The following KAZN variants were observed in gnomAD, a reference collection of about 807,000 sequenced individuals.
KAZN encodes the protein kazrin.
In KAZN, 40 loss-of-function variants were observed where a neutral mutation model predicts 87.4. The observed-to-expected ratio is 0.46, with a 90% confidence interval of 0.36 to 0.60. The LOEUF is 0.60. Among genes scored for constraint, KAZN ranks in the 20% least tolerant of loss-of-function variants. The probability of loss-of-function intolerance (pLI) is 0.00; values close to 1 mark genes in which losing one functional copy is unlikely to be tolerated. For synonymous variants in KAZN, 466 were observed against 458.3 expected, an observed-to-expected ratio of 1.02 and a Z score of -0.22; for missense variants, 898 against 1,073.9, an observed-to-expected ratio of 0.84 and a Z score of 2.29.
At chr1:13,902,560 G>A (rs930161492) in intron 1 of KAZN, among the ~76,000 whole-genome samples, 1 of 152,156 alleles carries the variant, frequency 6.6e-6, no homozygotes, top group Non-Finnish European at 1.5e-5. Flanking sequence ...CAGGGAAGAG[G>A]GGGAATAAAA....
intron 2 of KAZN, among the ~76,000 whole-genome samples, chr1:14,508,535 C>T (rs939486646): frequency 1.3e-5 from 2 of 152,074 alleles, no homozygotes; most frequent in East Asian, 1.9e-4. Flanking sequence ...CCCTACTAGA[C>T]GGATAATAGT....
Position 14,765,298 on chromosome 1 carries a change from A to G in KAZN, c.226+166075A>G, listed in dbSNP as rs374665782. Among the ~76,000 whole-genome samples the G allele has an allele frequency of 8.5e-5, 13 of 152,336 alleles. No individual in the cohort carries two copies. The East Asian group carries it at 2.3e-3, about 27-fold the overall frequency. On this transcript the variant is annotated intron_variant, in intron 1 of 14. Coordinates refer to ENST00000376030, the MANE Select transcript of KAZN (RefSeq NM_201628.3). ...ACCCTCAGTTGCAAACCACTGCTGT[A>G]GATGAAATAGAAGCAGTTCTCATTG...
At chr1:14,967,133 GA>G (rs1257946446) in intron 2 of KAZN, among the ~76,000 whole-genome samples, 1 of 152,174 alleles carries the variant, frequency 6.6e-6, no homozygotes, top group Non-Finnish European at 1.5e-5. Context: ...AGGGACCTTG[GA>G]GCTTTTCAGC....
In KAZN at chr1:14,883,341, A is replaced by AGAGAGAAAGAAAGAAAG. The variant is rs1553150560; in HGVS notation, c.227-77341_227-77340insGAGAAAGAAAGAAAGGA. On this transcript the variant is annotated intron_variant, in intron 1 of 14. Coordinates refer to ENST00000376030, the MANE Select transcript of KAZN (RefSeq NM_201628.3). ...GAAAGAGAGAGAGAGAGAGAGAGAG[A>AGAGAGAAAGAAAGAAAG]GAAAGAAAGAAAGAAAAGAAAGAAA... is the stretch of plus-strand genomic sequence containing the variant. Among the ~76,000 whole-genome samples, 4 of 29,510 alleles carry AGAGAGAAAGAAAGAAAG rather than the reference A, an allele frequency of 1.4e-4. 1 individual carries two copies. The South Asian group carries it at 8.4e-3, about 62-fold the overall frequency. The allele number at this position is 29,510 out of a possible 152,430, so 19.4% of individuals were successfully genotyped here.
At chr1:14,857,096 G>A (rs536479626) in intron 1 of KAZN, among the ~76,000 whole-genome samples, 66 of 152,316 alleles carry the variant, frequency 4.3e-4, no homozygotes, top group African/African-American at 1.2e-3. Context: ...TGGACTCGGC[G>A]TCAGGTTACT....
intron 1 of KAZN, among the ~76,000 whole-genome samples, chr1:14,625,071 G>A (rs1294783859): frequency 6.6e-6 from 1 of 152,144 alleles, no homozygotes; most frequent in Non-Finnish European, 1.5e-5. Context: ...AGAGAACTAT[G>A]TGAGCTCATC....
At chr1:14,024,077 C>G (rs1028610484) in intron 1 of KAZN, among the ~76,000 whole-genome samples, 2 of 152,144 alleles carry the variant, frequency 1.3e-5, no homozygotes, top group Non-Finnish European at 1.5e-5. Context: ...TGTTAGGGAT[C>G]GTGTGACAAG....
chr1:14,103,889 C>A (rs1644312641), intron 1 of KAZN, among the ~76,000 whole-genome samples: 1 of 152,040 alleles, frequency 6.6e-6, no homozygotes, highest in South Asian at 2.1e-4. Flanking sequence ...CTACAACACT[C>A]CCCAAACCTA....
At chr1:14,250,753 T>A (rs1261553175) in intron 2 of KAZN, among the ~76,000 whole-genome samples, 1 of 152,032 alleles carries the variant, frequency 6.6e-6, no homozygotes, top group Admixed American at 6.6e-5. Flanking sequence ...TGAAGGTAAT[T>A]TGGGCATGGT....
At position 14,737,370 on chromosome 1, in the gene KAZN, G is replaced by A. The variant is rs74061336; in HGVS notation, c.226+138147G>A. 8.2e-3 allele frequency among the ~76,000 whole-genome samples: 1,249 copies of A among 152,232 alleles called. 13 individuals are homozygous for A. Among genetic ancestry groups the A allele is most frequent in the African/African-American group, 0.027 (1,142 of 41,536 alleles). ...GTGGATCCATTCAGGGATCCTCCACGGTATGCACAGAGAAGTAAAGAGATC... is the reference window on the plus strand; with the variant it reads ...GTGGATCCATTCAGGGATCCTCCACAGTATGCACAGAGAAGTAAAGAGATC... On this transcript the variant is annotated intron_variant, in intron 1 of 14. Transcript: ENST00000376030.
At chr1:15,023,914 G>A (rs373480433) in intron 2 of KAZN, among the ~76,000 whole-genome samples, 1 of 149,048 alleles carries the variant, frequency 6.7e-6, no homozygotes, top group Non-Finnish European at 1.5e-5. Context: ...GTTTGGGGGG[G>A]TGGTCAAGGA....
intron 10 of KAZN, among the ~76,000 whole-genome samples, chr1:15,101,287 G>T (rs72640711): frequency 0.11 from 16,432 of 150,400 alleles, 1,115 homozygotes; most frequent in South Asian, 0.15. Flanking sequence ...CTCTCTTTCT[G>T]TGTCCCTTTC....
chr1:14,194,581 A>G (rs1393368330), intron 2 of KAZN, among the ~76,000 whole-genome samples: 1 of 152,092 alleles, frequency 6.6e-6, no homozygotes, highest in Non-Finnish European at 1.5e-5. Flanking sequence ...GCAGTCTGTA[A>G]AGTATCTATT....
At chr1:14,647,708 C>T (rs975382072) in intron 1 of KAZN, among the ~76,000 whole-genome samples, 8 of 152,090 alleles carry the variant, frequency 5.3e-5, no homozygotes, top group African/African-American at 1.4e-4. Context: ...AACTCTTAAC[C>T]GGAATCTTTA....
intron 2 of KAZN, among the ~76,000 whole-genome samples, chr1:14,504,444 G>A (rs1670441350): frequency 6.6e-6 from 1 of 152,228 alleles, no homozygotes. Context: ...CTCTTGTGGA[G>A]AAAGAAGCTA....
intron 1 of KAZN, among the ~76,000 whole-genome samples, chr1:14,908,761 T>C (rs923661308): frequency 2.0e-5 from 3 of 152,076 alleles, no homozygotes; most frequent in Admixed American, 6.5e-5. Context: ...ACGCCTGTAA[T>C]CCCAGCACTT....
chr1:15,094,441 G>A lies in KAZN; in HGVS notation c.1428+56G>A, dbSNP rs1162100606. On this transcript the variant is annotated intron_variant, in intron 9 of 14. Transcript: ENST00000376030. The surrounding 1 kb of genome is among the most constrained non-coding windows in gnomAD (Gnocchi z 4.5). ...CACCCATGCCCTCTGTGAGCTTTAC[G>A]TACCCAGAAGCTGGCCTGCCCCCCA... 1.5e-5 allele frequency: 22 copies of A among 1,503,124 alleles called. No individual in the cohort carries two copies. Among genetic ancestry groups the A allele is most frequent in the Middle Eastern group, 1.7e-4 (1 of 5,864 alleles). 93.1% of individuals were successfully genotyped at this position (1,503,124 alleles called of 1,614,324 possible).
chr1:14,646,458 T>G (rs1454396468), intron 1 of KAZN, among the ~76,000 whole-genome samples: 1 of 152,120 alleles, frequency 6.6e-6, no homozygotes, highest in Non-Finnish European at 1.5e-5. Context: ...AAAAGAAGCA[T>G]GGTGATAGTG....
chr1:14,540,174 G>A (rs777440794), intron 2 of KAZN, among the ~76,000 whole-genome samples: 19 of 152,186 alleles, frequency 1.2e-4, no homozygotes, highest in Non-Finnish European at 2.4e-4. Context: ...GGAAATCAAC[G>A]TTTCGCATCA....
Sources: allele counts gnomAD v4.1 joint callset (sites outside exome capture counted in the v4.1 genomes callset), GRCh38; gene constraint gnomAD v4.1.1; non-coding constraint Gnocchi (gnomAD v3.1); transcripts MANE v1.5; gene names NCBI Gene and HGNC (gene_info 2026-07-23, HGNC 2026-07-21).